The following MXD1 variants were observed in gnomAD, a reference collection of about 807,000 sequenced individuals.
The protein encoded by MXD1 is MAX dimerization protein 1.
In MXD1, 9 loss-of-function variants were observed where a neutral mutation model predicts 25.7. The observed-to-expected ratio is 0.35, with a 90% confidence interval of 0.21 to 0.61. The LOEUF (loss-of-function observed/expected upper bound fraction) is 0.61, where lower values mean the gene tolerates loss of function less well. MXD1 is among the 20% of genes least tolerant of loss of function. The pLI is 0.75. For synonymous variants in MXD1, 99 were observed against 113.9 expected (o/e 0.87, Z 0.83); for missense variants, 227 against 292.4 (o/e 0.78, Z 1.63).
chr2:69,940,361 T>C lies in MXD1; in HGVS notation c.*2077T>C, dbSNP rs1273471842. ...CCTTTTGAATGCCATTCACTAGACC[T>C]CTCAAGCATTTTGTTTCATTGCTAC... On this transcript the variant is annotated 3_prime_UTR_variant, in exon 6 of 6. Coordinates refer to ENST00000264444, the MANE Select transcript of MXD1 (RefSeq NM_002357.4). 6.6e-6 allele frequency: 1 copy of C among 152,318 alleles called. No individual in the cohort carries two copies. Among genetic ancestry groups the C allele is most frequent in the East Asian group, 1.9e-4 (1 of 5,198 alleles). 9.4% of individuals were successfully genotyped at this position (152,318 alleles called of 1,614,324 possible).
chr2:69,937,889 C>G (rs542194029), intron 5 of MXD1, among the ~76,000 whole-genome samples: 8 of 152,324 alleles, frequency 5.3e-5, no homozygotes, highest in African/African-American at 1.9e-4. Flanking sequence ...GCTGGGATTA[C>G]AGGCGTGAGC....
chr2:69,925,106 G>A (rs1677145355), intron 3 of MXD1, among the ~76,000 whole-genome samples: 1 of 152,140 alleles, frequency 6.6e-6, no homozygotes, highest in Non-Finnish European at 1.5e-5. Flanking sequence ...ATCCAGTAAA[G>A]ACTACGCACT....
At chr2:69,935,209 T>C in intron 3 of MXD1, 142 bp from the exon 4 acceptor site, 1 of 638,112 alleles carries the variant, frequency 1.6e-6, no homozygotes, top group African/African-American at 1.8e-5. Flanking sequence ...GTTCAAAATA[T>C]GTTTATTCAG....
chr2:69,927,398 A>G (rs1281092038), intron 3 of MXD1, among the ~76,000 whole-genome samples: 1 of 152,228 alleles, frequency 6.6e-6, no homozygotes, highest in Non-Finnish European at 1.5e-5. Flanking sequence ...AAGGAGAGAC[A>G]CAGCGATCAG....
chr2:69,924,262 C>T (rs902085360), intron 3 of MXD1, among the ~76,000 whole-genome samples: 1 of 152,164 alleles, frequency 6.6e-6, no homozygotes, highest in Non-Finnish European at 1.5e-5. Context: ...GAAAACTGAA[C>T]GTGAAGTCAC....
chr2:69,936,745 C>G (rs1287717949), intron 4 of MXD1, among the ~76,000 whole-genome samples: 1 of 152,144 alleles, frequency 6.6e-6, no homozygotes, highest in Admixed American at 6.5e-5. Flanking sequence ...TTATTTCCTG[C>G]TAACAAACAG....
chr2:69,925,318 A>T (rs1389252286), intron 3 of MXD1, among the ~76,000 whole-genome samples: 1 of 152,126 alleles, frequency 6.6e-6, no homozygotes. Flanking sequence ...TTTGAGAAAT[A>T]TAGAAAATAA....
At chr2:69,933,214 AAAAAAAAAAAC>A (rs1677339695) in intron 3 of MXD1, among the ~76,000 whole-genome samples, 3 of 151,334 alleles carry the variant, frequency 2.0e-5, no homozygotes, top group South Asian at 2.1e-4. Context: ...AAAAAAAAAA[AAAAAAAAAAAC>A]AAAAAAAGAA....
At chr2:69,927,865 T>G (rs1481592462) in intron 3 of MXD1, among the ~76,000 whole-genome samples, 1 of 152,210 alleles carries the variant, frequency 6.6e-6, no homozygotes, top group Non-Finnish European at 1.5e-5. Flanking sequence ...CTTCAAAACC[T>G]TTTAGGGTTC....
chr2:69,929,879 G>A (rs1307849163), intron 3 of MXD1, among the ~76,000 whole-genome samples: 6 of 152,078 alleles, frequency 3.9e-5, no homozygotes, highest in African/African-American at 1.2e-4. Flanking sequence ...GCCTATTCCT[G>A]TATTAGTACT....
chr2:69,938,109 T>C lies in MXD1; in HGVS notation c.491T>C (p.Val164Ala). Residue 164 changes from valine to alanine, a missense_variant, in exon 6 of 6, where the codon GTT (valine) becomes GCT (alanine). By Grantham distance (64) the Val-to-Ala change is moderately conservative. Transcript: ENST00000264444. ...RSDSDREEID[V>A]DVESTDYLTG... The stretch of plus-strand genomic sequence containing the variant: ...GTCCTCCCTGCAGAAGAAATCGACG[T>C]TGACGTGGAGAGCACGGACTATCTC... 1.2e-6 allele frequency: 2 copies of C among 1,614,066 alleles called. No homozygotes were observed. The highest frequency in any genetic ancestry group is 1.7e-6 in the Non-Finnish European group (2 of 1,179,922).
At chr2:69,925,246 G>A (rs574936291) in intron 3 of MXD1, among the ~76,000 whole-genome samples, 5 of 142,356 alleles carry the variant, frequency 3.5e-5, no homozygotes, top group Admixed American at 6.8e-5. Context: ...GGAGGGTGGG[G>A]TATGTGTGTG....
At chr2:69,921,253 G>A (rs527531601) in intron 2 of MXD1, among the ~76,000 whole-genome samples, 1 of 152,296 alleles carries the variant, frequency 6.6e-6, no homozygotes, top group South Asian at 2.1e-4. Flanking sequence ...GGAGTCAGAA[G>A]TTTGGGGAAG....
intron 2 of MXD1, among the ~76,000 whole-genome samples, chr2:69,918,934 A>T (rs1486744588): frequency 6.6e-6 from 1 of 152,202 alleles, no homozygotes; most frequent in African/African-American, 2.4e-5. Flanking sequence ...GCTGCTTTTT[A>T]TTAATAACTC....
intron 2 of MXD1, among the ~76,000 whole-genome samples, chr2:69,919,095 C>T (rs1677012598): frequency 6.6e-6 from 1 of 152,056 alleles, no homozygotes; most frequent in South Asian, 2.1e-4. Context: ...GTTGTGCTTC[C>T]TATGGAGTTT....
rs1320893579 is a variant in MXD1, at chr2:69,940,578, G to A, written c.*2294G>A. The A allele has an allele frequency of 6.6e-6, 1 of 152,578 alleles. No individual in the cohort carries two copies. 9.5% of individuals were successfully genotyped at this position (152,578 alleles called of 1,614,324 possible). ...AATTGTTGTGCCTTTGAGTTAAACT[G>A]CATTTTTGTCTTTTGGTTGAAATCT... On this transcript the variant is annotated 3_prime_UTR_variant, in exon 6 of 6. Coordinates refer to ENST00000264444, the MANE Select transcript of MXD1 (RefSeq NM_002357.4).
chr2:69,915,196 T>G lies in MXD1; in HGVS notation c.-135T>G, dbSNP rs571357038. The G allele has an allele frequency of 1.4e-6, 1 of 729,844 alleles. No individual in the cohort carries two copies. Among genetic ancestry groups the G allele is most frequent in the Non-Finnish European group, 1.9e-6 (1 of 517,964 alleles). 45.2% of individuals were successfully genotyped at this position (729,844 alleles called of 1,614,324 possible). ...TGTCGAGCGTGGTTGCCAGAGAGGCTCCCTCAGCCCTGCTCCGCGGGGTCC... is the reference window on the plus strand; with the variant it reads ...TGTCGAGCGTGGTTGCCAGAGAGGCGCCCTCAGCCCTGCTCCGCGGGGTCC... On this transcript the variant is annotated 5_prime_UTR_variant, in exon 1 of 6. Transcript: ENST00000264444. This position sits in a 1 kb window ranked among gnomAD's most constrained non-coding sequence, Gnocchi z 5.8.
chr2:69,915,713 C>G lies in MXD1; in HGVS notation c.73+310C>G, dbSNP rs772696991. 2.0e-5 allele frequency among the ~76,000 whole-genome samples: 3 copies of G among 152,006 alleles called. No individual in the cohort carries two copies. The highest frequency in any genetic ancestry group is 4.4e-5 in the Non-Finnish European group (3 of 68,006). ...TGGTTTACCTCACCCGGGCTGGTCC[C>G]GGCCGGCCCCCAGGTGGGCCCGGCG... On this transcript the variant is annotated intron_variant, in intron 1 of 5. Transcript: ENST00000264444. The surrounding 1 kb of genome is among the most constrained non-coding windows in gnomAD (Gnocchi z 5.8).
Position 69,940,807 on chromosome 2 carries a change from C to G in MXD1, c.*2523C>G, listed in dbSNP as rs1677577925. The G allele has an allele frequency of 6.6e-6, 1 of 152,652 alleles. No individual in the cohort carries two copies. Among genetic ancestry groups the G allele is most frequent in the Non-Finnish European group, 1.5e-5 (1 of 68,050 alleles). 9.5% of individuals were successfully genotyped at this position (152,652 alleles called of 1,614,324 possible). Reference sequence around the variant, plus strand: ...CAGCATGCTAGACAGGCTTCTCTCTCTAACCAAAACTGTAATCTTCAGGAC... The same window carrying G: ...CAGCATGCTAGACAGGCTTCTCTCTGTAACCAAAACTGTAATCTTCAGGAC... On this transcript the variant is annotated 3_prime_UTR_variant, in exon 6 of 6. Transcript: ENST00000264444.
Sources: gnomAD v4.1 joint callset for allele counts (sites outside exome capture counted in the v4.1 genomes callset) on GRCh38, gnomAD v4.1.1 for gene constraint, Gnocchi (gnomAD v3.1) non-coding constraint, MANE v1.5 for transcripts, NCBI Gene and HGNC (gene_info 2026-07-23, HGNC 2026-07-21) for gene names.